METTL25: variants seen among roughly 807,000 people sequenced by gnomAD.
METTL25 encodes the protein probable methyltransferase-like protein 25.
METTL25 carries 64 observed loss-of-function variants against 71.6 expected under a neutral mutation model. The observed-to-expected ratio is 0.89, with a 90% confidence interval of 0.73 to 1.10. The LOEUF (loss-of-function observed/expected upper bound fraction) is 1.10, where lower values mean the gene tolerates loss of function less well. Among genes scored for constraint, METTL25 ranks in the 50% least tolerant of loss-of-function variants. The pLI is 0.00. For missense variants in METTL25, 807 were observed against 707.0 expected, an observed-to-expected ratio of 1.14 and a Z score of -1.60; for synonymous variants, 287 against 250.3, an observed-to-expected ratio of 1.15 and a Z score of -1.38.
chr12:82,417,366 A>G (rs1333967968), intron 5 of METTL25, among the ~76,000 whole-genome samples: 1 of 152,194 alleles, frequency 6.6e-6, no homozygotes, highest in African/African-American at 2.4e-5. Flanking sequence ...AAAATATTAA[A>G]CATTTATTTC....
At chr12:82,443,462 C>CAAAAAAAAAAAAAAAAAAAAAAAAAAAA (rs67737833) in intron 8 of METTL25, among the ~76,000 whole-genome samples, 1 of 96,612 alleles carries the variant, frequency 1.0e-5, no homozygotes, top group Non-Finnish European at 2.2e-5. Context: ...CAGAGGAGAC[C>CAAAAAAAAAAAAAAAAAAAAAAAAAAAA]AAAAAAAAAA....
At chr12:82,414,269 A>G (rs754059387) in intron 5 of METTL25, among the ~76,000 whole-genome samples, 27 of 152,174 alleles carry the variant, frequency 1.8e-4, no homozygotes, top group Non-Finnish European at 3.7e-4. Context: ...TGAGATGAAT[A>G]CAGAGATTTC....
At chr12:82,366,610 T>C (rs748607739) in intron 1 of METTL25, among the ~76,000 whole-genome samples, 121 of 152,328 alleles carry the variant, frequency 7.9e-4, no homozygotes, top group Middle Eastern at 6.8e-3. Flanking sequence ...ATTAAATGTT[T>C]TCTTGGCCAT....
chr12:82,454,486 T>C (rs968937253), intron 8 of METTL25, among the ~76,000 whole-genome samples: 5 of 152,056 alleles, frequency 3.3e-5, no homozygotes, highest in Admixed American at 6.6e-5. Context: ...GTGATTTTTT[T>C]CCTGTTATTG....
intron 5 of METTL25, among the ~76,000 whole-genome samples, chr12:82,404,483 C>A (rs114602658): frequency 6.6e-6 from 1 of 152,038 alleles, no homozygotes; most frequent in African/African-American, 2.4e-5. Context: ...AGTTCTACAG[C>A]TTTTTAAATG....
intron 6 of METTL25, among the ~76,000 whole-genome samples, chr12:82,431,830 A>C (rs1218853087): frequency 6.6e-6 from 1 of 151,708 alleles, no homozygotes; most frequent in East Asian, 1.9e-4. Flanking sequence ...AAATGTGGTC[A>C]GAACACTTAA....
intron 8 of METTL25, among the ~76,000 whole-genome samples, chr12:82,454,567 G>A (rs1490948762): frequency 6.6e-6 from 1 of 152,026 alleles, no homozygotes; most frequent in East Asian, 1.9e-4. Flanking sequence ...GCAAATCACT[G>A]CTTAACACAC....
intron 5 of METTL25, among the ~76,000 whole-genome samples, chr12:82,406,833 T>C (rs1887140033): frequency 6.6e-6 from 1 of 152,150 alleles, no homozygotes; most frequent in Admixed American, 6.6e-5. Context: ...ATCCACTGTG[T>C]CTTGAAAGAT....
chr12:82,396,820 A>G lies in METTL25; in HGVS notation c.532-1975A>G, dbSNP rs188954618. ...ATCTGCTTTTAGTTTTGACTTTTCT[A>G]GAACATTGTACAAATGGAATCATAG... On this transcript the variant is annotated intron_variant, in intron 3 of 11. Transcript: ENST00000248306. Among the ~76,000 whole-genome samples, 44 of 152,240 alleles carry G rather than the reference A, an allele frequency of 2.9e-4. 1 individual carries two copies. In the East Asian group the frequency reaches 8.5e-3, roughly 29 times the overall value.
intron 9 of METTL25, among the ~76,000 whole-genome samples, chr12:82,461,601 C>A (rs894419539): frequency 4.0e-4 from 61 of 151,200 alleles, no homozygotes; most frequent in Non-Finnish European, 4.4e-5. Flanking sequence ...AATCATCAGG[C>A]AAACAATAAA....
At chr12:82,432,063 CTTTAAA>C (rs1477001005) in intron 6 of METTL25, among the ~76,000 whole-genome samples, 2 of 151,466 alleles carry the variant, frequency 1.3e-5, no homozygotes, top group African/African-American at 2.4e-5. Context: ...ATGTTGTATA[CTTTAAA>C]TTTATGCAAT....
intron 1 of METTL25, among the ~76,000 whole-genome samples, chr12:82,372,841 A>C (rs1883390438): frequency 6.6e-6 from 1 of 152,136 alleles, no homozygotes; most frequent in African/African-American, 2.4e-5. Flanking sequence ...TGCTGATTGG[A>C]ATAGTTGCAC....
chr12:82,398,511 T>C (rs1257645924), intron 3 of METTL25, among the ~76,000 whole-genome samples: 2 of 152,240 alleles, frequency 1.3e-5, no homozygotes, highest in Non-Finnish European at 2.9e-5. Flanking sequence ...CTTTAAGATA[T>C]TCTGCAGACA....
At position 82,403,012 on chromosome 12, in the gene METTL25, T is replaced by C. The variant is rs1212393265; in HGVS notation, c.1161T>C (p.Cys387=). ...EDCLMVGLHT[C]GDLAPNTLRI... is the part of the protein sequence containing the mutation. ...GTTTGATGGTGGGTCTCCACACTTG[T>C]GGTGATCTGGCTCCAAATACTTTGC... Residue 387 remains cysteine, a synonymous_variant, in exon 5 of 12, where the codon TGT becomes TGC. Coordinates refer to ENST00000248306, the MANE Select transcript of METTL25 (RefSeq NM_032230.3). 1.2e-6 allele frequency: 2 copies of C among 1,612,856 alleles called. No individual in the cohort carries two copies. The highest frequency in any genetic ancestry group is 1.1e-5 in the South Asian group (1 of 90,906).
At chr12:82,368,600 A>G (rs1259031398) in intron 1 of METTL25, among the ~76,000 whole-genome samples, 1 of 152,218 alleles carries the variant, frequency 6.6e-6, no homozygotes, top group African/African-American at 2.4e-5. Context: ...AAATGAATTC[A>G]GGAATTTGTT....
At chr12:82,443,338 A>G (rs2137203433) in intron 8 of METTL25, among the ~76,000 whole-genome samples, 1 of 152,122 alleles carries the variant, frequency 6.6e-6, no homozygotes, top group East Asian at 1.9e-4. Context: ...GAACTAAACT[A>G]GTCTACCAGC....
intron 9 of METTL25, among the ~76,000 whole-genome samples, chr12:82,461,694 A>G (rs1185199685): frequency 1.1e-5 from 1 of 95,010 alleles, no homozygotes; most frequent in East Asian, 3.6e-4. Flanking sequence ...TAAGGAATTA[A>G]ACTTTGAAAT....
At chr12:82,463,763 T>C (rs1302918156) in intron 9 of METTL25, among the ~76,000 whole-genome samples, 2 of 152,066 alleles carry the variant, frequency 1.3e-5, no homozygotes, top group Non-Finnish European at 2.9e-5. Context: ...TTTATCTTTT[T>C]TCATAGTAGC....
At chr12:82,435,900 T>C (rs1353158934) in intron 7 of METTL25, among the ~76,000 whole-genome samples, 2 of 151,560 alleles carry the variant, frequency 1.3e-5, no homozygotes, top group East Asian at 3.9e-4. Flanking sequence ...TTCTCATCAA[T>C]TGAGATAATA....
Sources: allele counts gnomAD v4.1 joint callset (sites outside exome capture counted in the v4.1 genomes callset), GRCh38; gene constraint gnomAD v4.1.1; transcripts MANE v1.5; gene names NCBI Gene and HGNC (gene_info 2026-07-23, HGNC 2026-07-21).